Variants in ICE2 observed in about 807,000 individuals in gnomAD.
ICE2 encodes the protein little elongation complex subunit 2.
A neutral mutation model predicts 105.4 loss-of-function variants in ICE2; 87 were observed. The observed-to-expected ratio is 0.83, with a 90% CI of 0.69 to 0.99. ICE2 has a LOEUF of 0.99. ICE2 is among the 50% of genes least tolerant of loss of function. The pLI, the probability that ICE2 is intolerant of heterozygous loss-of-function variation, is 0.00. For missense variants in ICE2, 1,323 were observed against 1,146.7 expected, an observed-to-expected ratio of 1.15 and a Z score of -2.22; for synonymous variants, 399 against 392.0, an observed-to-expected ratio of 1.02 and a Z score of -0.21.
At chr15:60,446,821 T>C (rs2063832586) in intron 11 of ICE2, among the ~76,000 whole-genome samples, 1 of 152,196 alleles carries the variant, frequency 6.6e-6, no homozygotes, top group Admixed American at 6.5e-5. Context: ...TCAGTGATGA[T>C]TCTTATTGGG....
intron 11 of ICE2, chr15:60,445,845 T>C: frequency 2.3e-6 from 2 of 887,966 alleles, no homozygotes; most frequent in Non-Finnish European, 2.7e-6. Context: ...GTTAAAGAAA[T>C]GAGGTTAGCC....
intron 13 of ICE2, among the ~76,000 whole-genome samples, chr15:60,435,686 A>G (rs1221319096): frequency 5.3e-5 from 8 of 152,078 alleles, no homozygotes; most frequent in South Asian, 2.1e-4. Flanking sequence ...CAAACAGTAC[A>G]TACTGCTGGC....
At chr15:60,453,392 A>AC in intron 9 of ICE2, 1 of 1,353,624 alleles carries the variant, frequency 7.4e-7, no homozygotes, top group Non-Finnish European at 9.5e-7. Flanking sequence ...TCAAGTAGGT[A>AC]CTACTTCCTT....
chr15:60,458,795 T>C lies in ICE2; in HGVS notation c.529-2001A>G, dbSNP rs547451577. On this transcript the variant is annotated intron_variant, in intron 5 of 15. Transcript: ENST00000261520. The stretch of plus-strand genomic sequence containing the variant: ...TCAGCCTTAAAAAGGAAAGAAATTC[T>C]GACACATGCTACTACTTGGACAAAT... 3.3e-5 allele frequency among the ~76,000 whole-genome samples: 5 copies of C among 152,212 alleles called. No individual in the cohort carries two copies. The East Asian group carries it at 9.6e-4, about 29-fold the overall frequency.
In ICE2 at chr15:60,448,945, A is replaced by G. The variant is rs1456829192; in HGVS notation, c.2022T>C (p.Ser674=). 6.2e-7 allele frequency: 1 copy of G among 1,614,034 alleles called. No homozygotes were observed. Among genetic ancestry groups the G allele is most frequent in the South Asian group, 1.1e-5 (1 of 91,074 alleles). The change falls in exon 10 of 16, where the codon TCT becomes TCC. Residue 674 remains serine (S), a synonymous_variant. Coordinates refer to ENST00000261520, the MANE Select transcript of ICE2 (RefSeq NM_024611.6). ...PELPLMNLEN[S]KQPSVSEQLS... The stretch of plus-strand genomic sequence containing the variant: ...ATTGCTCAGAAACAGAAGGCTGTTT[A>G]GAATTTTCTAAATTCATTAAGGGCA...
intron 5 of ICE2, among the ~76,000 whole-genome samples, chr15:60,460,455 G>A (rs1255469571): frequency 6.6e-6 from 1 of 152,198 alleles, no homozygotes; most frequent in Non-Finnish European, 1.5e-5. Context: ...CAGAGATCAC[G>A]CCACTGTACT....
intron 5 of ICE2, among the ~76,000 whole-genome samples, chr15:60,464,039 T>C (rs1595807929): frequency 2.6e-5 from 4 of 152,392 alleles, no homozygotes; most frequent in Admixed American, 2.6e-4. Context: ...ATTTTTTCTT[T>C]CGTTCTATAT....
intron 5 of ICE2, among the ~76,000 whole-genome samples, chr15:60,463,340 T>G (rs927934419): frequency 6.6e-6 from 1 of 152,122 alleles, no homozygotes; most frequent in Non-Finnish European, 1.5e-5. Flanking sequence ...CAGGATAAAT[T>G]GTAATTTATT....
At chr15:60,451,866 T>C (rs74982914) in intron 9 of ICE2, 1 of 194,670 alleles carries the variant, frequency 5.1e-6, no homozygotes, top group Non-Finnish European at 9.4e-6. Context: ...AAGGAAAAAA[T>C]GACCCTAAGT....
At chr15:60,473,804 C>T (rs904841175) in intron 3 of ICE2, among the ~76,000 whole-genome samples, 3 of 152,138 alleles carry the variant, frequency 2.0e-5, no homozygotes, top group African/African-American at 7.2e-5. Context: ...GAGTCTATTG[C>T]TTTAACTTTG....
chr15:60,461,917 AG>A (rs1333451223), intron 5 of ICE2, among the ~76,000 whole-genome samples: 2 of 152,262 alleles, frequency 1.3e-5, no homozygotes, highest in African/African-American at 4.8e-5. Flanking sequence ...AAAAGCCAGT[AG>A]GAAGAGCCTC....
At chr15:60,446,552 T>C (rs1233561322) in intron 11 of ICE2, among the ~76,000 whole-genome samples, 2 of 152,086 alleles carry the variant, frequency 1.3e-5, no homozygotes, top group Non-Finnish European at 2.9e-5. Context: ...CCTGCCACCA[T>C]ACCCGGCTAA....
intron 5 of ICE2, among the ~76,000 whole-genome samples, chr15:60,457,993 T>C (rs749097587): frequency 6.6e-6 from 1 of 152,186 alleles, no homozygotes; most frequent in African/African-American, 2.4e-5. Flanking sequence ...TACATATTCA[T>C]TGGCACATCA....
In ICE2 at chr15:60,449,133, G is replaced by A. The variant is rs1270247902; in HGVS notation, c.1834C>T (p.Gln612Ter). The A allele has an allele frequency of 6.2e-7, 1 of 1,613,922 alleles. No individual in the cohort carries two copies. Among genetic ancestry groups the A allele is most frequent in the Non-Finnish European group, 8.5e-7 (1 of 1,179,944 alleles). The change falls in exon 10 of 16, where the codon CAG becomes TAG. Residue 612 changes from glutamine (Q) to a stop codon, truncating the protein, a stop_gained. Transcript: ENST00000261520. LOFTEE classifies it high-confidence loss of function. Reference protein sequence around the residue: ...RPASPNSSSGQASVGNQTNTA... With the variant: ...RPASPNSSSG ...TTAGTCTGGTTTCCTACAGAAGCCT[G>A]TCCTGAGGAAGAATTTGGACTAGCT...
At chr15:60,439,005 C>T (rs371935015) in intron 12 of ICE2, 4 of 152,122 alleles carry the variant, frequency 2.6e-5, no homozygotes, top group African/African-American at 7.2e-5. Context: ...TATATACAAG[C>T]GTTCATTCAT....
chr15:60,427,995 T>C (rs1448237371), intron 15 of ICE2, among the ~76,000 whole-genome samples: 1 of 152,206 alleles, frequency 6.6e-6, no homozygotes, highest in East Asian at 1.9e-4. Context: ...TATTACTTCT[T>C]TTTCCTCATC....
chr15:60,440,333 T>G (rs187305819), intron 12 of ICE2: 2 of 152,226 alleles, frequency 1.3e-5, no homozygotes, highest in Non-Finnish European at 2.9e-5. Context: ...ATCAACTATA[T>G]AGAATTGATA....
chr15:60,432,181 C>CTTT (rs35081421), intron 13 of ICE2, among the ~76,000 whole-genome samples, 197 bp from the exon 14 acceptor site: 49 of 110,626 alleles, frequency 4.4e-4, no homozygotes, highest in Non-Finnish European at 6.3e-4. Context: ...AAAAAATTTC[C>CTTT]TTTTTTTTTT....
intron 5 of ICE2, among the ~76,000 whole-genome samples, chr15:60,461,325 A>T (rs1281066891): frequency 6.6e-6 from 1 of 152,234 alleles, no homozygotes; most frequent in Non-Finnish European, 1.5e-5. Flanking sequence ...AGTTGTATTC[A>T]GACTATATAA....
Sources: allele counts gnomAD v4.1 joint callset (sites outside exome capture counted in the v4.1 genomes callset), GRCh38; gene constraint gnomAD v4.1.1; transcripts MANE v1.5; gene names NCBI Gene and HGNC (gene_info 2026-07-23, HGNC 2026-07-21).